LRMDA: variants seen among roughly 807,000 people sequenced by gnomAD.
LRMDA encodes leucine-rich melanocyte differentiation-associated protein.
LRMDA carries 18 observed loss-of-function variants against 29.8 expected under a neutral mutation model. That is an observed-to-expected ratio of 0.60 (90% CI 0.42 to 0.90). LRMDA has a LOEUF of 0.90. Ranked by LOEUF, LRMDA falls within the 40% of genes least tolerant of loss-of-function variation. LRMDA has a pLI of 0.00. For synonymous variants in LRMDA, 125 were observed against 109.4 expected, an observed-to-expected ratio of 1.14 and a Z score of -0.89; for missense variants, 273 against 273.9, an observed-to-expected ratio of 1.00 and a Z score of 0.02.
chr10:76,451,419 A>T (rs1031878124), intron 6 of LRMDA, among the ~76,000 whole-genome samples: 6 of 151,926 alleles, frequency 3.9e-5, no homozygotes, highest in African/African-American at 1.2e-4. Context: ...GTTTGCCAGG[A>T]TGGGCTTGAT....
chr10:76,357,980 G>A (rs1841263215), intron 6 of LRMDA, among the ~76,000 whole-genome samples: 1 of 152,168 alleles, frequency 6.6e-6, no homozygotes, highest in Non-Finnish European at 1.5e-5. Flanking sequence ...CCTGGTAAAT[G>A]AAGTGTGTAC....
At chr10:76,249,670 G>T (rs1352389090) in intron 5 of LRMDA, among the ~76,000 whole-genome samples, 2 of 152,054 alleles carry the variant, frequency 1.3e-5, no homozygotes, top group African/African-American at 2.4e-5. Context: ...TATTTGCCTG[G>T]GTTTGATCAC....
At chr10:76,146,357 A>T (rs1312287431) in intron 5 of LRMDA, among the ~76,000 whole-genome samples, 2 of 151,646 alleles carry the variant, frequency 1.3e-5, no homozygotes, top group African/African-American at 2.4e-5. Context: ...AGGACTTGCT[A>T]TATGAATCTG....
chr10:76,251,322 G>A (rs1419752008), intron 5 of LRMDA, among the ~76,000 whole-genome samples: 1 of 133,908 alleles, frequency 7.5e-6, no homozygotes, highest in African/African-American at 2.8e-5. Flanking sequence ...GCGCAATCTC[G>A]GCTCACTGCA....
At chr10:75,843,471 C>T (rs1844577276) in intron 2 of LRMDA, among the ~76,000 whole-genome samples, 1 of 152,194 alleles carries the variant, frequency 6.6e-6, no homozygotes, top group South Asian at 2.1e-4. Context: ...AGTGCTTGCT[C>T]TACCCTGAAC....
At chr10:75,753,954 G>C (rs1842996862) in intron 2 of LRMDA, among the ~76,000 whole-genome samples, 1 of 152,208 alleles carries the variant, frequency 6.6e-6, no homozygotes, top group South Asian at 2.1e-4. Context: ...CATTGACTGT[G>C]GGAATGAAGG....
chr10:76,139,052 A>G (rs1288544423), intron 5 of LRMDA, among the ~76,000 whole-genome samples: 1 of 152,194 alleles, frequency 6.6e-6, no homozygotes, highest in East Asian at 1.9e-4. Context: ...AAGCGGAGAT[A>G]AACATGCTGT....
In LRMDA at chr10:75,928,288, T is replaced by TC. The variant is rs1266713086; in HGVS notation, c.132-107720_132-107719insC. Among the ~76,000 whole-genome samples the TC allele has an allele frequency of 5.6e-3, 3 of 534 alleles. No homozygotes were observed. In the East Asian group the frequency reaches 0.38, roughly 67 times the overall value. The allele number at this position is 534 out of a possible 152,430, so 0.4% of individuals were successfully genotyped here. Reference sequence around the variant, plus strand: ...ATGATTATTATTTTTTAGTTTTGGGTTTTTTTTTTTACACTTTGAGAAGAT... The same window carrying TC: ...ATGATTATTATTTTTTAGTTTTGGGTCTTTTTTTTTTACACTTTGAGAAGAT... On this transcript the variant is annotated intron_variant, in intron 2 of 6. Transcript: ENST00000611255.
At chr10:76,291,260 G>A (rs1840336907) in intron 5 of LRMDA, among the ~76,000 whole-genome samples, 1 of 152,134 alleles carries the variant, frequency 6.6e-6, no homozygotes, top group Admixed American at 6.6e-5. Flanking sequence ...AAATAACACA[G>A]ACACTTCATC....
chr10:75,687,315 A>T (rs187785916), intron 2 of LRMDA, among the ~76,000 whole-genome samples: 1 of 152,246 alleles, frequency 6.6e-6, no homozygotes, highest in Non-Finnish European at 1.5e-5. Flanking sequence ...GGAAATTCAA[A>T]GTGCTACTCC....
chr10:75,741,897 G>T (rs1233090961), intron 2 of LRMDA, among the ~76,000 whole-genome samples: 2 of 152,116 alleles, frequency 1.3e-5, no homozygotes, highest in Non-Finnish European at 2.9e-5. Context: ...TCATAAGGGT[G>T]GAGCTCTCAT....
intron 2 of LRMDA, among the ~76,000 whole-genome samples, chr10:75,792,393 T>A (rs1193536895): frequency 6.6e-6 from 1 of 150,532 alleles, no homozygotes; most frequent in Non-Finnish European, 1.5e-5. Flanking sequence ...GCCTCCTGAG[T>A]AGCTGGGATT....
At chr10:76,042,629 T>C (rs992474223) in intron 3 of LRMDA, among the ~76,000 whole-genome samples, 3 of 152,214 alleles carry the variant, frequency 2.0e-5, no homozygotes, top group Admixed American at 2.0e-4. Flanking sequence ...ATTTCACAAA[T>C]GTCAAAATAC....
intron 5 of LRMDA, among the ~76,000 whole-genome samples, chr10:76,214,313 G>T: frequency 1.3e-5 from 2 of 148,218 alleles, no homozygotes; most frequent in South Asian, 2.2e-4. Flanking sequence ...TTTACTGTAA[G>T]ATGTCACTTG....
intron 2 of LRMDA, among the ~76,000 whole-genome samples, chr10:75,975,869 G>A (rs1443684237): frequency 2.0e-5 from 3 of 152,070 alleles, no homozygotes; most frequent in African/African-American, 7.2e-5. Flanking sequence ...AGTCCTGTCA[G>A]CTCTAATTCT....
At chr10:76,076,502 C>T (rs1017655836) in intron 5 of LRMDA, among the ~76,000 whole-genome samples, 2 of 151,950 alleles carry the variant, frequency 1.3e-5, no homozygotes, top group East Asian at 1.9e-4. Flanking sequence ...AGCATTGTCA[C>T]GCACGTGATC....
Position 76,260,320 on chromosome 10 carries a change from A to G in LRMDA, c.517-64081A>G, listed in dbSNP as rs191634745. Among the ~76,000 whole-genome samples the G allele has an allele frequency of 3.9e-5, 6 of 152,248 alleles. No homozygotes were observed. In the East Asian group the frequency reaches 9.6e-4, roughly 24 times the overall value. On this transcript the variant is annotated intron_variant, in intron 5 of 6. Coordinates refer to ENST00000611255, the MANE Select transcript of LRMDA (RefSeq NM_001305581.2). Reference sequence around the variant, plus strand: ...TTTTTTGCATGTTTTCATGATGATGATGAAGATTTTCCAGATGTAAGGCTT... The same window carrying G: ...TTTTTTGCATGTTTTCATGATGATGGTGAAGATTTTCCAGATGTAAGGCTT...
chr10:76,184,746 T>C (rs1851115941), intron 5 of LRMDA, among the ~76,000 whole-genome samples: 2 of 152,180 alleles, frequency 1.3e-5, no homozygotes, highest in Admixed American at 1.3e-4. Flanking sequence ...ATTCCCTCCT[T>C]TAACATTCCC....
intron 2 of LRMDA, among the ~76,000 whole-genome samples, chr10:75,584,694 A>G (rs755644492): frequency 1.3e-5 from 2 of 152,146 alleles, no homozygotes; most frequent in Admixed American, 6.5e-5. Context: ...GAAAAACTAA[A>G]CTGTGGGTAA....
Sources: gnomAD v4.1 joint callset for allele counts (sites outside exome capture counted in the v4.1 genomes callset) on GRCh38, gnomAD v4.1.1 for gene constraint, MANE v1.5 for transcripts, NCBI Gene and HGNC (gene_info 2026-07-23, HGNC 2026-07-21) for gene names.